Variants in RBFOX1 observed in about 807,000 individuals in gnomAD.
RBFOX1 encodes the protein RNA binding fox-1 homolog 1.
In RBFOX1, 8 loss-of-function variants were observed where a neutral mutation model predicts 57.7. The observed-to-expected ratio is 0.14, with a 90% CI of 0.08 to 0.25. The LOEUF is 0.25. RBFOX1 is among the 10% of genes least tolerant of loss of function. RBFOX1 has a pLI of 1.00. For synonymous variants in RBFOX1, 326 were observed against 222.4 expected, an observed-to-expected ratio of 1.47 and a Z score of -4.15; for missense variants, 611 against 548.5, an observed-to-expected ratio of 1.11 and a Z score of -1.14.
At chr16:7,241,512 T>A (rs1033889419) in intron 4 of RBFOX1, among the ~76,000 whole-genome samples, 1 of 152,230 alleles carries the variant, frequency 6.6e-6, no homozygotes, top group Non-Finnish European at 1.5e-5. Flanking sequence ...TTGAAAGTTA[T>A]TAAAATTTCA....
In RBFOX1 at chr16:6,300,619, A is replaced by G. The variant is rs577523091; in HGVS notation, c.-126-16376A>G. On this transcript the variant is annotated intron_variant, in intron 1 of 15. Coordinates refer to ENST00000550418, the MANE Select transcript of RBFOX1 (RefSeq NM_018723.4). ...TCCTTCATCTAGTTTCATCTTTCCA[A>G]TTTCCCTCAATATCTTTCCCACATT... Among the ~76,000 whole-genome samples, 114 of 152,104 alleles carry G rather than the reference A, an allele frequency of 7.5e-4. 1 individual carries two copies. The highest frequency in any genetic ancestry group is 2.7e-3 in the African/African-American group (111 of 41,466).
chr16:6,841,524 C>A (rs544686963), intron 3 of RBFOX1, among the ~76,000 whole-genome samples: 1 of 152,144 alleles, frequency 6.6e-6, no homozygotes, highest in East Asian at 1.9e-4. Flanking sequence ...TTCTGAACAA[C>A]CTAACCTCAC....
At chr16:6,797,401 A>G (rs572603453) in intron 3 of RBFOX1, among the ~76,000 whole-genome samples, 2 of 152,278 alleles carry the variant, frequency 1.3e-5, no homozygotes, top group Admixed American at 6.5e-5. Flanking sequence ...AGAGAGCGAG[A>G]GAAAGGGGGA....
intron 4 of RBFOX1, among the ~76,000 whole-genome samples, chr16:7,104,122 A>G (rs2063163413): frequency 6.6e-6 from 1 of 152,168 alleles, no homozygotes; most frequent in Non-Finnish European, 1.5e-5. Context: ...ATATGTACCT[A>G]TCTGTATCTG....
intron 3 of RBFOX1, among the ~76,000 whole-genome samples, chr16:5,727,328 C>G (rs991396885): frequency 6.6e-6 from 1 of 152,042 alleles, no homozygotes; most frequent in African/African-American, 2.4e-5. Flanking sequence ...ACTGACTTTA[C>G]TTTTTGTTTC....
intron 4 of RBFOX1, among the ~76,000 whole-genome samples, chr16:6,009,461 A>C (rs1325534932): frequency 6.6e-6 from 1 of 152,194 alleles, no homozygotes; most frequent in Admixed American, 6.5e-5. Flanking sequence ...TCTTAGTCCT[A>C]GTTATGGCTC....
chr16:6,120,196 T>C (rs2096538574), intron 1 of RBFOX1, among the ~76,000 whole-genome samples: 1 of 152,230 alleles, frequency 6.6e-6, no homozygotes. Flanking sequence ...GCATTTGCGT[T>C]GTTTTCATTA....
At chr16:5,883,836 AG>A (rs1299807475) in intron 4 of RBFOX1, among the ~76,000 whole-genome samples, 1 of 152,178 alleles carries the variant, frequency 6.6e-6, no homozygotes, top group African/African-American at 2.4e-5. Context: ...TTCTTTTCCC[AG>A]TGACCTAATG....
At chr16:7,663,710 G>C (rs1183996457) in intron 12 of RBFOX1, among the ~76,000 whole-genome samples, 1 of 152,012 alleles carries the variant, frequency 6.6e-6, no homozygotes, top group East Asian at 1.9e-4. Context: ...AAACATCATG[G>C]GAAGGTATCG....
intron 1 of RBFOX1, among the ~76,000 whole-genome samples, chr16:6,133,250 C>T (rs2096642691): frequency 6.6e-6 from 1 of 152,162 alleles, no homozygotes; most frequent in Admixed American, 6.5e-5. Context: ...CTGATTGCTC[C>T]ACTGCCCTGC....
At chr16:6,990,575 C>T (rs1024720844) in intron 3 of RBFOX1, among the ~76,000 whole-genome samples, 1 of 152,048 alleles carries the variant, frequency 6.6e-6, no homozygotes, top group South Asian at 2.1e-4. Context: ...GATACTGTGT[C>T]CCATAAAATA....
intron 3 of RBFOX1, among the ~76,000 whole-genome samples, chr16:6,880,620 C>A (rs1876610014): frequency 6.6e-6 from 1 of 151,994 alleles, no homozygotes; most frequent in African/African-American, 2.4e-5. Context: ...CTGGAAGAGG[C>A]AGGGTGGGGA....
intron 4 of RBFOX1, among the ~76,000 whole-genome samples, chr16:5,919,884 C>G (rs985265750): frequency 6.6e-6 from 1 of 152,026 alleles, no homozygotes; most frequent in Non-Finnish European, 1.5e-5. Context: ...TTCTCTCTGC[C>G]TTTTTTTTCA....
chr16:7,572,843 G>GAATAAATAAATA lies in RBFOX1; in HGVS notation c.271-6923_271-6912dup, dbSNP rs57189251. The stretch of plus-strand genomic sequence containing the variant: ...AACAGAGTGAGAGTCTCTCTCAAAT[G>GAATAAATAAATA]AATAAATAAATAAATAAATAAAATG... On this transcript the variant is annotated intron_variant, in intron 5 of 15. Transcript: ENST00000550418. 8.2e-3 allele frequency among the ~76,000 whole-genome samples: 1,205 copies of GAATAAATAAATA among 146,764 alleles called. 11 individuals are homozygous for GAATAAATAAATA. Among genetic ancestry groups the GAATAAATAAATA allele is most frequent in the Non-Finnish European group, 8.1e-3 (542 of 66,824 alleles).
intron 4 of RBFOX1, among the ~76,000 whole-genome samples, chr16:7,425,741 C>G (rs1398087814): frequency 6.6e-6 from 1 of 152,192 alleles, no homozygotes; most frequent in Non-Finnish European, 1.5e-5. Context: ...GACCCCTCCT[C>G]CCTCTTTTAA....
chr16:7,204,455 A>T (rs1334481088), intron 4 of RBFOX1, among the ~76,000 whole-genome samples: 2 of 152,192 alleles, frequency 1.3e-5, no homozygotes, highest in Non-Finnish European at 2.9e-5. Context: ...CAGCCTAAGC[A>T]ACATAGTAAG....
intron 3 of RBFOX1, among the ~76,000 whole-genome samples, chr16:6,727,846 G>A (rs143335556): frequency 1.6e-3 from 250 of 152,086 alleles, no homozygotes; most frequent in African/African-American, 5.6e-3. Flanking sequence ...GTTCCTCCTC[G>A]GGCATGTTAG....
intron 3 of RBFOX1, among the ~76,000 whole-genome samples, chr16:6,899,386 T>C (rs1213282126): frequency 6.6e-6 from 1 of 152,232 alleles, no homozygotes; most frequent in Non-Finnish European, 1.5e-5. Context: ...ATTAAGGCCC[T>C]CTTGGCTCAA....
At chr16:6,996,471 C>G (rs569919226) in intron 3 of RBFOX1, among the ~76,000 whole-genome samples, 1 of 152,190 alleles carries the variant, frequency 6.6e-6, no homozygotes, top group African/African-American at 2.4e-5. Flanking sequence ...GTATATATAT[C>G]CATCCTCCTA....
Sources: allele counts gnomAD v4.1 joint callset (sites outside exome capture counted in the v4.1 genomes callset), GRCh38; gene constraint gnomAD v4.1.1; transcripts MANE v1.5; gene names NCBI Gene and HGNC (gene_info 2026-07-23, HGNC 2026-07-21).